Variants in PCMT1 observed in about 807,000 individuals in gnomAD.
PCMT1 encodes the protein protein-L-isoaspartate (D-aspartate) O-methyltransferase, also known as protein-L-isoaspartate(D-aspartate) O-methyltransferase.
Under a neutral mutation model 29.2 loss-of-function variants are expected in PCMT1, and 9 were observed. The ratio of observed to expected loss-of-function variants is 0.31; its 90% CI spans 0.19 to 0.54. The LOEUF (loss-of-function observed/expected upper bound fraction) is 0.54, where lower values mean the gene tolerates loss of function less well. PCMT1 is among the 20% of genes least tolerant of loss of function. The probability of loss-of-function intolerance (pLI) is 0.95; values close to 1 mark genes in which losing one functional copy is unlikely to be tolerated. For synonymous variants in PCMT1, 98 were observed against 97.5 expected, an observed-to-expected ratio of 1.00 and a Z score of -0.03; for missense variants, 184 against 282.2, an observed-to-expected ratio of 0.65 and a Z score of 2.49.
At chr6:149,759,167 G>A (rs1277052655) in intron 1 of PCMT1, among the ~76,000 whole-genome samples, 3 of 152,124 alleles carry the variant, frequency 2.0e-5, no homozygotes, top group Non-Finnish European at 2.9e-5. Flanking sequence ...GAGCCACCGC[G>A]CCCGGCCATG....
chr6:149,781,999 GTGTT>G (rs1787836310), intron 3 of PCMT1, among the ~76,000 whole-genome samples: 1 of 152,070 alleles, frequency 6.6e-6, no homozygotes, highest in Non-Finnish European at 1.5e-5. Context: ...GAATCATAAA[GTGTT>G]TGTCTTTTTG....
chr6:149,793,891 A>G (rs945252339), intron 5 of PCMT1, among the ~76,000 whole-genome samples: 1 of 152,114 alleles, frequency 6.6e-6, no homozygotes, highest in African/African-American at 2.4e-5. Flanking sequence ...CTGAGATTGA[A>G]TTTTTTGTAA....
chr6:149,761,053 G>A (rs1053181496), intron 1 of PCMT1, among the ~76,000 whole-genome samples: 5 of 135,322 alleles, frequency 3.7e-5, no homozygotes, highest in South Asian at 2.4e-4. Flanking sequence ...GTGTGTGTGT[G>A]TATACACACA....
chr6:149,753,870 T>A (rs1391575705), intron 1 of PCMT1, among the ~76,000 whole-genome samples: 3 of 152,196 alleles, frequency 2.0e-5, no homozygotes, highest in African/African-American at 7.2e-5. Context: ...AACTTGAGCA[T>A]GCTTCAAAAT....
At chr6:149,750,017 C>A (rs753462209) in intron 1 of PCMT1, 61 bp downstream of exon 1, 88 of 1,537,320 alleles carry the variant, frequency 5.7e-5, no homozygotes, top group Non-Finnish European at 7.0e-5. Context: ...GACCGGGTCC[C>A]CCTGGGCCGT....
At chr6:149,774,932 C>G (rs1326829245) in intron 3 of PCMT1, among the ~76,000 whole-genome samples, 1 of 152,090 alleles carries the variant, frequency 6.6e-6, no homozygotes, top group Non-Finnish European at 1.5e-5. Flanking sequence ...TGGTCTCGAT[C>G]TCGTGACCTT....
intron 1 of PCMT1, among the ~76,000 whole-genome samples, chr6:149,750,488 A>T (rs1056798205): frequency 2.0e-5 from 3 of 152,142 alleles, no homozygotes; most frequent in Non-Finnish European, 4.4e-5. Context: ...CGTCTGATAC[A>T]GGCGAGGGGA....
At chr6:149,769,770 ATTTTTTT>A (rs34274281) in intron 1 of PCMT1, among the ~76,000 whole-genome samples, 15 of 99,724 alleles carry the variant, frequency 1.5e-4, no homozygotes, top group East Asian at 3.4e-4. Context: ...AGCTAATTAA[ATTTTTTT>A]TTTTTTTTTT....
At chr6:149,806,192 A>C (rs1179918885) in intron 7 of PCMT1, among the ~76,000 whole-genome samples, 1 of 152,140 alleles carries the variant, frequency 6.6e-6, no homozygotes, top group African/African-American at 2.4e-5. Context: ...GTGAATTTGA[A>C]ACTGACTGCT....
At chr6:149,765,742 G>A in intron 1 of PCMT1, 1 of 338,338 alleles carries the variant, frequency 3.0e-6, no homozygotes, top group South Asian at 2.3e-5. Flanking sequence ...CGAGGAAGGT[G>A]GATCACCTAA....
At chr6:149,794,713 T>C (rs1253749046) in intron 5 of PCMT1, 2 of 418,288 alleles carry the variant, frequency 4.8e-6, no homozygotes, top group Admixed American at 5.2e-5. Flanking sequence ...GAGGTGTTGC[T>C]TGCCTTGGCC....
At chr6:149,796,787 GT>G (rs947797784) in intron 6 of PCMT1, 7 of 259,836 alleles carry the variant, frequency 2.7e-5, no homozygotes, top group Non-Finnish European at 4.3e-5. Context: ...TGATAATCAG[GT>G]TTTTTTTGTT....
chr6:149,773,215 T>A, intron 3 of PCMT1, 46 bp downstream of exon 3: 1 of 1,419,812 alleles, frequency 7.0e-7, no homozygotes, highest in Non-Finnish European at 9.9e-7. Context: ...TACATTTTTC[T>A]CTATAATCAT....
At chr6:149,803,865 TAA>T (rs894819464) in intron 7 of PCMT1, among the ~76,000 whole-genome samples, 1 of 150,246 alleles carries the variant, frequency 6.7e-6, no homozygotes, top group Non-Finnish European at 1.5e-5. Flanking sequence ...CCAATCATCT[TAA>T]GTCAGGAGTT....
At chr6:149,805,219 C>CA (rs1218042935) in intron 7 of PCMT1, among the ~76,000 whole-genome samples, 1 of 152,176 alleles carries the variant, frequency 6.6e-6, no homozygotes, top group African/African-American at 2.4e-5. Context: ...GGCAACAGAG[C>CA]AAGACCTTAT....
chr6:149,790,031 A>G lies in PCMT1; in HGVS notation c.270A>G (p.Gly90=). 1.9e-6 allele frequency: 3 copies of G among 1,609,556 alleles called. No homozygotes were observed. The highest frequency in any genetic ancestry group is 2.5e-6 in the Non-Finnish European group (3 of 1,176,808). Reference sequence around the variant, plus strand: ...CTCTTGATGTAGGATCTGGAAGTGGAATCCTTACTGCATGTTTTGCACGTA... The same window carrying G: ...CTCTTGATGTAGGATCTGGAAGTGGGATCCTTACTGCATGTTTTGCACGTA... The part of the protein sequence containing the change: ...AKALDVGSGS[G]ILTACFARMV... The change falls in exon 4 of 8, where the codon GGA becomes GGG. Residue 90 remains glycine, a synonymous_variant. Coordinates refer to ENST00000464889, the MANE Select transcript of PCMT1 (RefSeq NM_001360452.2).
chr6:149,769,913 G>T (rs558515200), intron 1 of PCMT1, among the ~76,000 whole-genome samples: 1 of 148,806 alleles, frequency 6.7e-6, no homozygotes, highest in South Asian at 2.1e-4. Context: ...TCAGCTAATT[G>T]TTGGGGAAGG....
At chr6:149,798,900 T>C (rs952165) in intron 6 of PCMT1, among the ~76,000 whole-genome samples, 81,143 of 152,118 alleles carry the variant, frequency 0.53, 24,842 homozygotes, top group East Asian at 0.83. Flanking sequence ...AGCACTAATC[T>C]CTACGTAAGA....
In PCMT1 at chr6:149,802,180, C is replaced by CTTTT; in HGVS notation, c.505-11_505-8dup. 1 of 1,265,700 alleles carries CTTTT rather than the reference C, an allele frequency of 7.9e-7. No individual in the cohort carries two copies. Among genetic ancestry groups the CTTTT allele is most frequent in the Non-Finnish European group, 1.1e-6 (1 of 929,090 alleles). The allele number at this position is 1,265,700 out of a possible 1,614,324, so 78.4% of individuals were successfully genotyped here. On this transcript the variant is annotated intron_variant, in intron 6 of 7. Coordinates refer to ENST00000464889, the MANE Select transcript of PCMT1 (RefSeq NM_001360452.2). ...AATCTGTAACTTGGTGATGTATGTG[C>CTTTT]TTTTTTTTTTTTCTTTTAGCTAATA... is the stretch of plus-strand genomic sequence containing the variant.
Sources: allele counts gnomAD v4.1 joint callset (sites outside exome capture counted in the v4.1 genomes callset), GRCh38; gene constraint gnomAD v4.1.1; transcripts MANE v1.5; gene names NCBI Gene and HGNC (gene_info 2026-07-23, HGNC 2026-07-21).